Variants in TMF1 observed in about 807,000 individuals in gnomAD.
TMF1 encodes TATA element modulatory factor 1, also known as TATA element modulatory factor.
In TMF1, 71 loss-of-function variants were observed where a neutral mutation model predicts 126.5. The ratio of observed to expected loss-of-function variants is 0.56; its 90% CI spans 0.46 to 0.68. TMF1 has a LOEUF of 0.68. Among genes scored for constraint, TMF1 ranks in the 30% least tolerant of loss-of-function variants. TMF1 has a pLI of 0.00. For missense variants in TMF1, 1,259 were observed against 1,253.2 expected, an observed-to-expected ratio of 1.00 and a Z score of -0.07; for synonymous variants, 461 against 430.5, an observed-to-expected ratio of 1.07 and a Z score of -0.88.
Position 69,028,241 on chromosome 3 carries a change from CTCT to C in TMF1, c.2646_2648del (p.Glu883del), listed in dbSNP as rs1240213259. The C allele has an allele frequency of 1.2e-6, 2 of 1,613,192 alleles. No homozygotes were observed. Among genetic ancestry groups the C allele is most frequent in the South Asian group, 2.2e-5 (2 of 91,058 alleles). On this transcript the variant is annotated inframe_deletion, in exon 12 of 17. Coordinates refer to ENST00000398559, the MANE Select transcript of TMF1 (RefSeq NM_007114.3). ...AGAGAAATACCTTTTCTTTCCTCGT[CTCT>C]TCAAGTGTTCTTACATATTCATCTT...
chr3:69,051,577 T>C (rs886756824), intron 1 of TMF1, among the ~76,000 whole-genome samples: 17 of 152,266 alleles, frequency 1.1e-4, no homozygotes, highest in African/African-American at 3.9e-4. Context: ...CTTCAGACCT[T>C]GGATCCCAAC....
Position 69,038,739 on chromosome 3 carries a change from G to C in TMF1, c.1995-19C>G. 1.9e-6 allele frequency: 3 copies of C among 1,599,616 alleles called. No homozygotes were observed. The South Asian group carries it at 3.4e-5, about 18-fold the overall frequency. ...AAGTTCTCTTAAAAAATTAGATTGA[G>C]TTTATAAATGTTGCCAGTGATCAGA... On this transcript the variant is annotated intron_variant, in intron 7 of 16. Transcript: ENST00000398559.
intron 8 of TMF1, among the ~76,000 whole-genome samples, chr3:69,037,947 A>G (rs917965884): frequency 6.6e-6 from 1 of 152,160 alleles, no homozygotes; most frequent in Non-Finnish European, 1.5e-5. Context: ...ACCCTCACCT[A>G]TTGCTGGTGG....
rs149709315 is a variant in TMF1, at chr3:69,034,966, T to C, written c.2244+57A>G. 6.6e-4 allele frequency: 970 copies of C among 1,471,862 alleles called. 10 individuals carry two copies. The East Asian group carries it at 0.019, about 28-fold the overall frequency. 91.2% of individuals were successfully genotyped at this position (1,471,862 alleles called of 1,614,324 possible). A position where few individuals can be genotyped will look rare whatever the true frequency, so the allele number is the denominator to read the frequency against. On this transcript the variant is annotated intron_variant, in intron 9 of 16. Transcript: ENST00000398559. ...ACACTATCCCACTGAGGAATTCTTT[T>C]ATTTCTAGAAAAACACATACTTCTT...
rs2091752900 is a variant in TMF1, at chr3:69,024,002, A to C, written c.3138+53T>G. 2.0e-6 allele frequency: 3 copies of C among 1,503,224 alleles called. No individual in the cohort carries two copies. The East Asian group carries it at 7.3e-5, about 36-fold the overall frequency. The allele number at this position is 1,503,224 out of a possible 1,614,324, so 93.1% of individuals were successfully genotyped here. A position where few individuals can be genotyped will look rare whatever the true frequency, so the allele number is the denominator to read the frequency against. ...ACTATAAATTAAAAACATGAGATTT[A>C]AAGTAAATGAACTAAAATATCTTAG... On this transcript the variant is annotated intron_variant, in intron 16 of 16. Coordinates refer to ENST00000398559, the MANE Select transcript of TMF1 (RefSeq NM_007114.3).
chr3:69,023,130 A>G lies in TMF1; in HGVS notation c.*47T>C. On this transcript the variant is annotated 3_prime_UTR_variant, in exon 17 of 17. Transcript: ENST00000398559. ...TTGGAAGTCCACATTAAATGTTTAG[A>G]TATTAAATGCTTACATTCAGTTTGA... is the stretch of plus-strand genomic sequence containing the variant. 6.6e-7 allele frequency: 1 copy of G among 1,525,594 alleles called. No individual in the cohort carries two copies. Among genetic ancestry groups the G allele is most frequent in the Non-Finnish European group, 9.0e-7 (1 of 1,114,710 alleles). 94.5% of individuals were successfully genotyped at this position (1,525,594 alleles called of 1,614,324 possible).
chr3:69,034,942 C>T (rs1438065215), intron 9 of TMF1, 81 bp downstream of exon 9: 8 of 1,258,098 alleles, frequency 6.4e-6, no homozygotes, highest in East Asian at 4.6e-5. Context: ...ATTCCATGAA[C>T]ACTATCCCAC....
At chr3:69,030,096 T>C (rs2091791286) in intron 10 of TMF1, 89 bp from the exon 11 acceptor site, 2 of 1,151,102 alleles carry the variant, frequency 1.7e-6, no homozygotes, top group Non-Finnish European at 2.4e-6. Context: ...CATTTAATGA[T>C]GCAAGTAGCC....
chr3:69,047,942 T>C lies in TMF1; in HGVS notation c.763A>G (p.Thr255Ala). ...TCTAAAACTTCAATATCACTGGTGG[T>C]AGAAGTACCTGATGAAAAGGTACTA... ...PVSTFSSGTSTTSDIEVLDHE... is the reference protein window; with the variant it reads ...PVSTFSSGTSATSDIEVLDHE... Residue 255 changes from threonine to alanine, a missense_variant, in exon 2 of 17, where the codon ACC becomes GCC. Physicochemically the swap from Thr to Ala is moderately conservative, Grantham distance 58 (BLOSUM62 0). Transcript: ENST00000398559. 1.9e-6 allele frequency: 3 copies of C among 1,613,906 alleles called. No homozygotes were observed. Among genetic ancestry groups the C allele is most frequent in the Non-Finnish European group, 2.5e-6 (3 of 1,180,032 alleles).
At position 69,025,888 on chromosome 3, in the gene TMF1, G is replaced by GAAA. The variant is rs2091764633; in HGVS notation, c.2859+107_2859+108insTTT. The GAAA allele has an allele frequency of 2.4e-5, 27 of 1,117,450 alleles. No homozygotes were observed. In the South Asian group the frequency reaches 3.3e-4, roughly 14 times the overall value. 69.2% of individuals were successfully genotyped at this position (1,117,450 alleles called of 1,614,324 possible). On this transcript the variant is annotated intron_variant, in intron 14 of 16. Coordinates refer to ENST00000398559, the MANE Select transcript of TMF1 (RefSeq NM_007114.3). ...AGCACTCCTCCACAAGTATTCAGATGAATTACCCATAGAATGGCAAGGTCA... is the reference window on the plus strand; with the variant it reads ...AGCACTCCTCCACAAGTATTCAGATGAAAAATTACCCATAGAATGGCAAGGTCA...
At chr3:69,043,974 C>T in intron 3 of TMF1, 98 bp from the exon 4 acceptor site, 2 of 934,962 alleles carry the variant, frequency 2.1e-6, no homozygotes, top group South Asian at 5.1e-5. Flanking sequence ...TTTTCTCTGA[C>T]ATATACCTTA....
intron 13 of TMF1, 129 bp downstream of exon 13, chr3:69,027,771 C>A: frequency 1.9e-6 from 1 of 515,400 alleles, no homozygotes; most frequent in Admixed American, 4.1e-5. Context: ...TCATCCTGGG[C>A]CACATGCCAA....
intron 13 of TMF1, 90 bp downstream of exon 13, chr3:69,027,810 A>G (rs890882224): frequency 1.2e-5 from 8 of 671,524 alleles, no homozygotes; most frequent in Non-Finnish European, 2.0e-5. Flanking sequence ...CAAGCTTGTT[A>G]TAAAGCATAG....
chr3:69,030,540 G>A (rs2091794654), intron 10 of TMF1: 1 of 152,176 alleles, frequency 6.6e-6, no homozygotes, highest in Non-Finnish European at 1.5e-5. Context: ...GCAAACTACA[G>A]AGTGAGAGCA....
At chr3:69,028,924 T>C (rs1471202694) in intron 11 of TMF1, among the ~76,000 whole-genome samples, 3 of 152,020 alleles carry the variant, frequency 2.0e-5, no homozygotes, top group Non-Finnish European at 4.4e-5. Flanking sequence ...TGATTAAAGG[T>C]ACAAATCCTT....
intron 9 of TMF1, 193 bp from the exon 10 acceptor site, chr3:69,033,897 C>G (rs556110039): frequency 4.9e-5 from 23 of 472,396 alleles, no homozygotes; most frequent in African/African-American, 3.4e-4. Flanking sequence ...GTGGCACAAT[C>G]GTGGCTCACT....
Position 69,029,795 on chromosome 3 carries a change from C to A in TMF1, c.2594+20G>T. 1 of 1,572,138 alleles carries A rather than the reference C, an allele frequency of 6.4e-7. No homozygotes were observed. ...GATGTCACGGAACTACCAAAAATATCACTCAGAAACCATGCTCACCTATTG... is the reference window on the plus strand; with the variant it reads ...GATGTCACGGAACTACCAAAAATATAACTCAGAAACCATGCTCACCTATTG... On this transcript the variant is annotated intron_variant, in intron 11 of 16. Transcript: ENST00000398559.
intron 8 of TMF1, among the ~76,000 whole-genome samples, chr3:69,037,046 A>C (rs1575814340): frequency 6.6e-6 from 1 of 152,246 alleles, no homozygotes; most frequent in Non-Finnish European, 1.5e-5. Flanking sequence ...TCTAGTATGC[A>C]GATTATACAA....
intron 10 of TMF1, chr3:69,030,464 G>A (rs1011015129): frequency 1.3e-5 from 2 of 152,488 alleles, no homozygotes; most frequent in African/African-American, 4.8e-5. Flanking sequence ...AAGAGCCATA[G>A]AAAGAAAAAC....
Sources: gnomAD v4.1 joint callset for allele counts (sites outside exome capture counted in the v4.1 genomes callset) on GRCh38, gnomAD v4.1.1 for gene constraint, MANE v1.5 for transcripts, NCBI Gene and HGNC (gene_info 2026-07-23, HGNC 2026-07-21) for gene names.